The following LRIG1 variants were observed in gnomAD, a reference collection of about 807,000 sequenced individuals.
The protein encoded by LRIG1 is leucine rich repeats and immunoglobulin like domains 1, also known as leucine-rich repeats and immunoglobulin-like domains protein 1.
Under a neutral mutation model 99.2 loss-of-function variants are expected in LRIG1, and 48 were observed. The observed-to-expected ratio is 0.48, with a 90% CI of 0.38 to 0.62. The LOEUF (loss-of-function observed/expected upper bound fraction) is 0.62. Ranked by LOEUF, LRIG1 falls within the 20% of genes least tolerant of loss-of-function variation. The pLI is 0.00. For missense variants in LRIG1, 1,646 were observed against 1,434.4 expected (o/e 1.15, Z -2.38); for synonymous variants, 772 against 596.1 (o/e 1.29, Z -4.30).
intron 1 of LRIG1, among the ~76,000 whole-genome samples, chr3:66,494,321 G>A (rs1701180021): frequency 6.6e-6 from 1 of 152,150 alleles, no homozygotes; most frequent in African/African-American, 2.4e-5. Flanking sequence ...CCCCTTCACC[G>A]CCACTCCTTA....
chr3:66,444,194 T>C (rs939085491), intron 3 of LRIG1, among the ~76,000 whole-genome samples: 7 of 152,188 alleles, frequency 4.6e-5, no homozygotes, highest in East Asian at 1.9e-4. Context: ...TCCTGCCACG[T>C]TGGGCTGCTC....
At chr3:66,414,542 C>T (rs1702564642) in intron 5 of LRIG1, among the ~76,000 whole-genome samples, 1 of 152,148 alleles carries the variant, frequency 6.6e-6, no homozygotes, top group Admixed American at 6.5e-5. Flanking sequence ...GTGTCGGACA[C>T]CACCATGTCC....
At chr3:66,390,165 G>A (rs1701559790) in intron 12 of LRIG1, among the ~76,000 whole-genome samples, 1 of 152,030 alleles carries the variant, frequency 6.6e-6, no homozygotes, top group Admixed American at 6.6e-5. Context: ...GACTGGAAAT[G>A]AAGAAGTGAA....
intron 3 of LRIG1, among the ~76,000 whole-genome samples, chr3:66,430,194 A>AC (rs1559795419): frequency 9.3e-6 from 1 of 107,288 alleles, no homozygotes; most frequent in Non-Finnish European, 1.7e-5. Flanking sequence ...CAACAACAAA[A>AC]AAAAAACACT....
chr3:66,413,553 G>A (rs1453736801), intron 5 of LRIG1, among the ~76,000 whole-genome samples: 1 of 152,176 alleles, frequency 6.6e-6, no homozygotes, highest in African/African-American at 2.4e-5. Flanking sequence ...GGGGGAGATG[G>A]GGTAGAGACA....
chr3:66,417,357 A>G, intron 3 of LRIG1, 91 bp from the exon 4 acceptor site: 1 of 1,294,146 alleles, frequency 7.7e-7, no homozygotes, highest in Non-Finnish European at 1.1e-6. Context: ...CCCCACCAAT[A>G]TAACTACAAT....
chr3:66,412,708 A>G lies in LRIG1; in HGVS notation c.791+163T>C, dbSNP rs574828654. On this transcript the variant is annotated intron_variant, in intron 6 of 18. Coordinates refer to ENST00000273261, the MANE Select transcript of LRIG1 (RefSeq NM_015541.3). ...GGCGCGCACGTGCACACGCGCACGC[A>G]CACACACCCCACACCACACAGCAAT... Among the ~76,000 whole-genome samples, 3 of 152,286 alleles carry G rather than the reference A, an allele frequency of 2.0e-5. 1 individual carries two copies. The highest frequency in any genetic ancestry group is 4.1e-4 in the South Asian group (2 of 4,830).
At chr3:66,427,484 T>C (rs564619995) in intron 3 of LRIG1, among the ~76,000 whole-genome samples, 1 of 152,306 alleles carries the variant, frequency 6.6e-6, no homozygotes, top group South Asian at 2.1e-4. Flanking sequence ...AAAACACACA[T>C]GAAGGTGATG....
chr3:66,395,774 C>A (rs548650262), intron 11 of LRIG1, among the ~76,000 whole-genome samples: 2 of 152,108 alleles, frequency 1.3e-5, no homozygotes, highest in Non-Finnish European at 2.9e-5. Context: ...AGGAGTGCAC[C>A]CTGCATGGGG....
intron 3 of LRIG1, among the ~76,000 whole-genome samples, 164 bp downstream of exon 3, chr3:66,451,395 C>G (rs1389647022): frequency 6.6e-6 from 1 of 151,608 alleles, no homozygotes; most frequent in Non-Finnish European, 1.5e-5. Flanking sequence ...AATCCCAAAA[C>G]AGCAAGCAAA....
In LRIG1 at chr3:66,500,173, G is replaced by A. The variant is rs992383863; in HGVS notation, c.218+17C>T. ...AGAGCCCCGGGGCGCAGAGAGGGCGGAAAGGGCGGCACTCACAGGCTCCGC... is the reference window on the plus strand; with the variant it reads ...AGAGCCCCGGGGCGCAGAGAGGGCGAAAAGGGCGGCACTCACAGGCTCCGC... On this transcript the variant is annotated intron_variant, in intron 1 of 18. Coordinates refer to ENST00000273261, the MANE Select transcript of LRIG1 (RefSeq NM_015541.3). 3 of 1,510,856 alleles carry A rather than the reference G, an allele frequency of 2.0e-6. No individual in the cohort carries two copies. The highest frequency in any genetic ancestry group is 1.8e-6 in the Non-Finnish European group (2 of 1,134,570). 93.6% of individuals were successfully genotyped at this position (1,510,856 alleles called of 1,614,324 possible).
At chr3:66,472,450 T>G (rs1700624617) in intron 1 of LRIG1, among the ~76,000 whole-genome samples, 1 of 152,064 alleles carries the variant, frequency 6.6e-6, no homozygotes, top group South Asian at 2.1e-4. Context: ...CCGTAAGTGA[T>G]GCTGTGATGA....
intron 8 of LRIG1, chr3:66,405,914 ATCCCATGGCCGATG>A: frequency 9.9e-7 from 1 of 1,008,914 alleles, no homozygotes. Flanking sequence ...AACAATGCAA[ATCCCATGGCCGATG>A]ACTCAATGGC....
intron 3 of LRIG1, among the ~76,000 whole-genome samples, chr3:66,436,492 C>T (rs1431220013): frequency 1.3e-5 from 2 of 152,186 alleles, no homozygotes; most frequent in Non-Finnish European, 2.9e-5. Flanking sequence ...TTTCATGAAA[C>T]GACCATTAAC....
chr3:66,382,333 G>T lies in LRIG1; in HGVS notation c.2557C>A (p.Gln853Lys), dbSNP rs1377154657. The T allele has an allele frequency of 2.5e-6, 4 of 1,614,050 alleles. No homozygotes were observed. Residue 853 changes from glutamine (Q) to lysine (K), a missense_variant, in exon 16 of 19, where the codon CAA becomes AAA. Gln to Lys is a moderately conservative substitution (Grantham distance 53). Transcript: ENST00000273261. ...CCCTCGGTCCTGACCACGGTTTCTT[G>T]TCGGTCAGAAAGGGTCCCCTGAGAA... is the stretch of plus-strand genomic sequence containing the variant. ...LSSQGTLSDR[Q>K]ETVVRTEGGP...
chr3:66,394,150 G>A lies in LRIG1; in HGVS notation c.1358C>T (p.Pro453Leu), dbSNP rs767238674. The change falls in exon 12 of 19, where the codon CCG becomes CTG. Residue 453 changes from proline (P) to leucine (L), a missense_variant. By Grantham distance (98) the Pro-to-Leu change is moderately conservative (BLOSUM62 -3). Coordinates refer to ENST00000273261, the MANE Select transcript of LRIG1 (RefSeq NM_015541.3). ...LCDCQLKWLPPWLIGRMLQAF... is the reference protein window; with the variant it reads ...LCDCQLKWLPLWLIGRMLQAF... ...CTGCAGCATCCTGCCAATTAGCCAC[G>A]GGGGCAGCCACTTCAGCTGGCAGTC... 4.0e-5 allele frequency: 64 copies of A among 1,610,722 alleles called. No individual in the cohort carries two copies. The highest frequency in any genetic ancestry group is 5.0e-5 in the Non-Finnish European group (59 of 1,178,752).
intron 2 of LRIG1, among the ~76,000 whole-genome samples, chr3:66,453,615 T>G (rs529769300): frequency 6.6e-6 from 1 of 152,336 alleles, no homozygotes; most frequent in East Asian, 1.9e-4. Context: ...TACCATTCTC[T>G]ACATTACCGG....
rs975249419 is a variant in LRIG1 at position 66,423,292 on chromosome 3, C to T, written c.366-6026G>A. 2.0e-5 allele frequency among the ~76,000 whole-genome samples: 3 copies of T among 152,104 alleles called. No individual in the cohort carries two copies. In the East Asian group the frequency reaches 5.8e-4, roughly 29 times the overall value. The stretch of plus-strand genomic sequence containing the variant: ...CCACAATTTAAAATTAAAACAAGGC[C>T]AGGCACGGTGGCTCACGCCTGTAAT... On this transcript the variant is annotated intron_variant, in intron 3 of 18. Transcript: ENST00000273261.
chr3:66,396,151 C>A (rs897044301), intron 11 of LRIG1, among the ~76,000 whole-genome samples: 1 of 152,210 alleles, frequency 6.6e-6, no homozygotes, highest in Admixed American at 6.5e-5. Flanking sequence ...CCACCTCAGA[C>A]AGGAGGCCAG....
Sources: gnomAD v4.1 joint callset for allele counts (sites outside exome capture counted in the v4.1 genomes callset) on GRCh38, gnomAD v4.1.1 for gene constraint, MANE v1.5 for transcripts, NCBI Gene and HGNC (gene_info 2026-07-23, HGNC 2026-07-21) for gene names.